ACSL6: variants seen among roughly 807,000 people sequenced by gnomAD.
ACSL6 encodes the protein acyl-CoA synthetase long chain family member 6.
Under a neutral mutation model 98.2 loss-of-function variants are expected in ACSL6, and 47 were observed. The observed-to-expected ratio is 0.48, with a 90% confidence interval of 0.38 to 0.61. ACSL6 has a LOEUF of 0.61. Ranked by LOEUF, ACSL6 falls within the 20% of genes least tolerant of loss-of-function variation. The probability of loss-of-function intolerance (pLI) is 0.00; values close to 1 mark genes in which losing one functional copy is unlikely to be tolerated. For missense variants in ACSL6, 761 were observed against 913.4 expected (o/e 0.83, Z 2.15); for synonymous variants, 362 against 336.9 (o/e 1.07, Z -0.82).
In ACSL6 at chr5:131,973,274, A is replaced by G; in HGVS notation, c.1195T>C (p.Tyr399His). The part of the protein sequence containing the change: ...PVVPRLLNRM[Y>H]DKIFSQANTP... ...CTCCCTGCAGAACTTACCTTGTCGT[A>G]CATCCGGTTCAGCAGTCGTGGGACC... Residue 399 changes from tyrosine (Y) to histidine (H), a missense_variant, in exon 12 of 21, where the codon TAC (tyrosine) becomes CAC (histidine). Tyr to His is a moderately conservative substitution (Grantham distance 83). Transcript: ENST00000651883. 1 of 1,614,094 alleles carries G rather than the reference A, an allele frequency of 6.2e-7. No homozygotes were observed. Among genetic ancestry groups the G allele is most frequent in the Admixed American group, 1.7e-5 (1 of 60,018 alleles).
At chr5:131,981,392 A>G (rs1175560666) in intron 9 of ACSL6, among the ~76,000 whole-genome samples, 2 of 151,946 alleles carry the variant, frequency 1.3e-5, no homozygotes, top group African/African-American at 4.8e-5. Flanking sequence ...AAGTGCCCAA[A>G]TAAGTGTAAA....
intron 20 of ACSL6, among the ~76,000 whole-genome samples, chr5:131,955,084 A>G (rs1752329987): frequency 6.6e-6 from 1 of 152,186 alleles, no homozygotes; most frequent in Non-Finnish European, 1.5e-5. Context: ...GGCTGAATAC[A>G]CATTTTGGAA....
chr5:131,981,793 C>T (rs927706270), intron 9 of ACSL6: 2 of 152,320 alleles, frequency 1.3e-5, no homozygotes, highest in African/African-American at 4.8e-5. Context: ...GAATCAATAT[C>T]TTTACTTCCC....
chr5:132,004,928 T>C (rs1446159842), intron 1 of ACSL6, among the ~76,000 whole-genome samples: 1 of 152,052 alleles, frequency 6.6e-6, no homozygotes, highest in African/African-American at 2.4e-5. Context: ...ATCACCTAGA[T>C]CACCTGAGGT....
chr5:131,972,979 G>C, intron 12 of ACSL6, 121 bp from the exon 13 acceptor site: 2 of 1,393,690 alleles, frequency 1.4e-6, no homozygotes, highest in Non-Finnish European at 2.0e-6. Context: ...GCCCCTGCAG[G>C]AGGTCACTGA....
Position 131,954,156 on chromosome 5 carries a change from A to C in ACSL6, c.*78T>G. On this transcript the variant is annotated 3_prime_UTR_variant, in exon 21 of 21. Coordinates refer to ENST00000651883, the MANE Select transcript of ACSL6 (RefSeq NM_001009185.3). ...ATGCTTATTCATTTTCAGCTGTGTC[A>C]TTTTGACTCATTACTTTCAAGAATA... 1 of 1,427,362 alleles carries C rather than the reference A, an allele frequency of 7.0e-7. No individual in the cohort carries two copies. The highest frequency in any genetic ancestry group is 9.3e-7 in the Non-Finnish European group (1 of 1,081,008). The allele number at this position is 1,427,362 out of a possible 1,614,324, so 88.4% of individuals were successfully genotyped here. A position where few individuals can be genotyped will look rare whatever the true frequency, so the allele number is the denominator to read the frequency against.
rs1234110332 is a variant in ACSL6, at chr5:132,011,478, C to T, written c.49+27G>A. On this transcript the variant is annotated intron_variant, in intron 1 of 20. Coordinates refer to ENST00000651883, the MANE Select transcript of ACSL6 (RefSeq NM_001009185.3). This position sits in a 1 kb window ranked among gnomAD's most constrained non-coding sequence, Gnocchi z 5.4. The stretch of plus-strand genomic sequence containing the variant: ...TCATAGCCTGCGGGAGATGGGAGTC[C>T]GGGACGCGGACAGGACGGGCACTTA... 2 of 1,607,280 alleles carry T rather than the reference C, an allele frequency of 1.2e-6. No homozygotes were observed. The highest frequency in any genetic ancestry group is 1.7e-4 in the Middle Eastern group (1 of 6,042).
chr5:131,966,566 C>T (rs1462630371), intron 16 of ACSL6, 34 bp from the exon 17 acceptor site: 2 of 1,578,052 alleles, frequency 1.3e-6, no homozygotes, highest in Non-Finnish European at 1.7e-6. Context: ...CTCTCAGCCA[C>T]ATCATGAGGA....
chr5:131,990,075 G>A (rs1754422446), intron 4 of ACSL6, 25 bp downstream of exon 4: 1 of 1,611,686 alleles, frequency 6.2e-7, no homozygotes, highest in African/African-American at 1.3e-5. Flanking sequence ...GGTGGCCAGG[G>A]TGGGGCCTGT....
chr5:131,990,374 AG>A (rs1330779340), intron 3 of ACSL6, among the ~76,000 whole-genome samples: 1 of 152,228 alleles, frequency 6.6e-6, no homozygotes, highest in Non-Finnish European at 1.5e-5. Context: ...CCCAGGGATC[AG>A]GGAGGTCTGG....
chr5:131,969,666 G>A (rs958533902), intron 15 of ACSL6, among the ~76,000 whole-genome samples: 18 of 152,264 alleles, frequency 1.2e-4, no homozygotes, highest in African/African-American at 3.4e-4. Flanking sequence ...TGGACCTGAC[G>A]TGTAAAGGAG....
chr5:131,955,528 A>C (rs989644816), intron 20 of ACSL6, among the ~76,000 whole-genome samples: 2 of 152,210 alleles, frequency 1.3e-5, no homozygotes, highest in African/African-American at 2.4e-5. Flanking sequence ...TGCAGAGGCC[A>C]CTGCTGGGGA....
chr5:132,007,324 A>C (rs10040809), intron 1 of ACSL6, among the ~76,000 whole-genome samples: 60,031 of 152,150 alleles, frequency 0.39, 12,797 homozygotes, highest in African/African-American at 0.5. Flanking sequence ...TGGTCCTTCA[A>C]CTTCATTCAG....
intron 20 of ACSL6, among the ~76,000 whole-genome samples, chr5:131,957,848 A>G (rs1254861442): frequency 2.6e-5 from 4 of 152,208 alleles, no homozygotes; most frequent in African/African-American, 9.6e-5. Flanking sequence ...GAGGGCACAC[A>G]CTGGCTATGG....
intron 9 of ACSL6, chr5:131,985,128 C>T (rs935792532): frequency 2.1e-6 from 1 of 473,512 alleles, no homozygotes; most frequent in Non-Finnish European, 3.9e-6. Context: ...AAGGACCTTC[C>T]CTCAGCACAT....
chr5:132,002,511 G>T (rs1192874110), intron 1 of ACSL6, among the ~76,000 whole-genome samples: 2 of 152,120 alleles, frequency 1.3e-5, no homozygotes, highest in Non-Finnish European at 2.9e-5. Flanking sequence ...ATGGTTGGGG[G>T]TCACTGAGGT....
intron 4 of ACSL6, 139 bp from the exon 5 acceptor site, chr5:131,989,647 G>A (rs928081030): frequency 1.7e-5 from 11 of 631,012 alleles, no homozygotes; most frequent in Admixed American, 1.4e-4. Flanking sequence ...CCAGGCTGGA[G>A]TGCAATGGCA....
chr5:131,989,279 G>A, intron 5 of ACSL6, 128 bp downstream of exon 5: 2 of 893,428 alleles, frequency 2.2e-6, no homozygotes, highest in East Asian at 2.4e-5. Context: ...GAGGAGTGGT[G>A]GCATAGCCCA....
chr5:131,959,209 T>C (rs140845921), intron 20 of ACSL6, among the ~76,000 whole-genome samples: 84 of 152,244 alleles, frequency 5.5e-4, no homozygotes, highest in African/African-American at 2.0e-3. Context: ...CCCACAAAAA[T>C]AAAAATAAGA....
Sources: gnomAD v4.1 joint callset for allele counts (sites outside exome capture counted in the v4.1 genomes callset) on GRCh38, gnomAD v4.1.1 for gene constraint, Gnocchi (gnomAD v3.1) non-coding constraint, MANE v1.5 for transcripts, NCBI Gene and HGNC (gene_info 2026-07-23, HGNC 2026-07-21) for gene names.